GALNT13: variants seen among roughly 807,000 people sequenced by gnomAD.
GALNT13 encodes polypeptide N-acetylgalactosaminyltransferase 13.
GALNT13 carries 28 observed loss-of-function variants against 64.2 expected under a neutral mutation model. That is an observed-to-expected ratio of 0.44 (90% CI 0.32 to 0.60). GALNT13 has a LOEUF of 0.60. Ranked by LOEUF, GALNT13 falls within the 20% of genes least tolerant of loss-of-function variation. The pLI is 0.05. For missense variants in GALNT13, 577 were observed against 669.8 expected (o/e 0.86, Z 1.53); for synonymous variants, 214 against 224.6 (o/e 0.95, Z 0.42).
rs528454334 is a variant in GALNT13, at chr2:154,025,563, T to G, written c.142+80924T>G. Among the ~76,000 whole-genome samples, 4 of 152,300 alleles carry G rather than the reference T, an allele frequency of 2.6e-5. No individual in the cohort carries two copies. In the South Asian group the frequency reaches 8.3e-4, roughly 32 times the overall value. On this transcript the variant is annotated intron_variant, in intron 3 of 12. Transcript: ENST00000392825. ...GAAGGCATGGTTTTATTCAGTATTATCCCACTTAATTAACCGTTGTTCTAT... is the reference window on the plus strand; with the variant it reads ...GAAGGCATGGTTTTATTCAGTATTAGCCCACTTAATTAACCGTTGTTCTAT...
chr2:153,630,795 ATATATATATATATTTTTT>A, the GALNT13 span, among the ~76,000 whole-genome samples: 22 of 13,970 alleles, frequency 1.6e-3, 1 homozygote, highest in South Asian at 3.8e-3. Context: ...ATATATATAT[ATATATATATATATTTTTT>A]TTTTTTTTTT....
At chr2:153,945,492 A>G (rs992733182) in intron 3 of GALNT13, among the ~76,000 whole-genome samples, 6 of 152,158 alleles carry the variant, frequency 3.9e-5, no homozygotes, top group African/African-American at 1.2e-4. Context: ...CATAAATATG[A>G]CAAAAAGCAA....
the GALNT13 span, among the ~76,000 whole-genome samples, chr2:153,100,224 G>T: frequency 1.3e-5 from 2 of 152,150 alleles, no homozygotes; most frequent in Non-Finnish European, 2.9e-5. Flanking sequence ...AAAACTTTCA[G>T]ACTCTAACTG....
the GALNT13 span, among the ~76,000 whole-genome samples, chr2:153,358,060 T>A: frequency 1.3e-5 from 2 of 152,214 alleles, no homozygotes; most frequent in South Asian, 4.2e-4. Flanking sequence ...GAAAGCAAAT[T>A]TACCCATGTG....
chr2:154,398,094 T>C (rs799805), intron 10 of GALNT13, among the ~76,000 whole-genome samples: 52,332 of 152,106 alleles, frequency 0.34, 9,452 homozygotes, highest in African/African-American at 0.45. Flanking sequence ...GATAAAATAT[T>C]TAATACCCTT....
chr2:153,727,388 G>A, the GALNT13 span, among the ~76,000 whole-genome samples: 15 of 152,146 alleles, frequency 9.9e-5, no homozygotes, highest in Non-Finnish European at 1.9e-4. Flanking sequence ...CCATTCTACT[G>A]TTGATGCATT....
chr2:153,500,346 C>G, the GALNT13 span, among the ~76,000 whole-genome samples: 2 of 152,090 alleles, frequency 1.3e-5, no homozygotes, highest in Admixed American at 6.5e-5. Flanking sequence ...AAGGACAGCT[C>G]AAAAGTCCTG....
the GALNT13 span, among the ~76,000 whole-genome samples, chr2:153,641,870 C>T: frequency 3.5e-4 from 53 of 152,054 alleles, 1 homozygote; most frequent in Non-Finnish European, 1.6e-4. Context: ...AATTTATTAA[C>T]CAATTATTCC....
chr2:153,838,664 G>C, the GALNT13 span, among the ~76,000 whole-genome samples: 1 of 151,800 alleles, frequency 6.6e-6, no homozygotes, highest in African/African-American at 2.4e-5. Context: ...TTTTGATATA[G>C]CTTTATAAAA....
At chr2:154,400,034 A>G (rs1335073200) in intron 10 of GALNT13, among the ~76,000 whole-genome samples, 1 of 152,166 alleles carries the variant, frequency 6.6e-6, no homozygotes, top group African/African-American at 2.4e-5. Context: ...TTCCATGGAA[A>G]CAGAAGGACA....
chr2:154,342,812 A>T (rs1695846485), intron 9 of GALNT13, among the ~76,000 whole-genome samples: 1 of 147,236 alleles, frequency 6.8e-6, no homozygotes, highest in Non-Finnish European at 1.5e-5. Flanking sequence ...TGTATTATAT[A>T]ATTAAGAGTG....
At chr2:153,575,007 T>A in the GALNT13 span, among the ~76,000 whole-genome samples, 1 of 152,152 alleles carries the variant, frequency 6.6e-6, no homozygotes, top group African/African-American at 2.4e-5. Context: ...TACCTGTCCT[T>A]CTTGGGAAAG....
intron 3 of GALNT13, among the ~76,000 whole-genome samples, chr2:154,045,126 G>C (rs1275073434): frequency 6.6e-6 from 1 of 152,220 alleles, no homozygotes; most frequent in Admixed American, 6.5e-5. Flanking sequence ...TCAGTAAGGT[G>C]AGGCAAATTT....
chr2:153,730,681 G>A, the GALNT13 span, among the ~76,000 whole-genome samples: 2 of 151,308 alleles, frequency 1.3e-5, no homozygotes, highest in African/African-American at 4.8e-5. Flanking sequence ...AATCTACAGG[G>A]AACTCAAACA....
At chr2:153,259,035 G>C in the GALNT13 span, among the ~76,000 whole-genome samples, 1 of 152,170 alleles carries the variant, frequency 6.6e-6, no homozygotes, top group Non-Finnish European at 1.5e-5. Flanking sequence ...GTCCAATGCT[G>C]ACAATGGAGT....
At chr2:154,278,981 G>A (rs995609540) in intron 8 of GALNT13, among the ~76,000 whole-genome samples, 1 of 151,990 alleles carries the variant, frequency 6.6e-6, no homozygotes, top group African/African-American at 2.4e-5. Context: ...ATCTAAAAAT[G>A]AATAAGGAAC....
At chr2:153,811,497 T>G in the GALNT13 span, among the ~76,000 whole-genome samples, 5 of 152,238 alleles carry the variant, frequency 3.3e-5, no homozygotes, top group African/African-American at 9.6e-5. Context: ...ATTTGTGTTC[T>G]GATTTGTCTT....
chr2:153,647,297 T>C, the GALNT13 span, among the ~76,000 whole-genome samples: 5 of 152,218 alleles, frequency 3.3e-5, no homozygotes, highest in Non-Finnish European at 7.3e-5. Flanking sequence ...CTTCACCCAC[T>C]TGTTGATGGG....
At chr2:153,093,145 G>T in the GALNT13 span, among the ~76,000 whole-genome samples, 1 of 151,162 alleles carries the variant, frequency 6.6e-6, no homozygotes, top group South Asian at 2.1e-4. Context: ...CTTGTATAGT[G>T]TACCACATTG....
Sources: gnomAD v4.1 joint callset for allele counts (sites outside exome capture counted in the v4.1 genomes callset) on GRCh38, gnomAD v4.1.1 for gene constraint, MANE v1.5 for transcripts, NCBI Gene and HGNC (gene_info 2026-07-23, HGNC 2026-07-21) for gene names.